CCDC30: variants seen among roughly 807,000 people sequenced by gnomAD.
CCDC30 encodes the protein coiled-coil domain-containing protein 30.
CCDC30 carries 70 observed loss-of-function variants against 100.2 expected under a neutral mutation model. The observed-to-expected ratio is 0.70, with a 90% confidence interval of 0.58 to 0.85. The LOEUF (loss-of-function observed/expected upper bound fraction) is 0.85, where lower values mean the gene tolerates loss of function less well. CCDC30 is among the 40% of genes least tolerant of loss of function. The pLI is 0.00. For missense variants in CCDC30, 652 were observed against 771.2 expected (o/e 0.85, Z 1.83); for synonymous variants, 233 against 269.5 (o/e 0.86, Z 1.33).
At chr1:42,493,233 A>G (rs766605676) in intron 4 of CCDC30, among the ~76,000 whole-genome samples, 2 of 152,100 alleles carry the variant, frequency 1.3e-5, no homozygotes, top group East Asian at 3.9e-4. Context: ...TAAGAACAGA[A>G]TAAGAAGAGA....
In CCDC30 at chr1:42,512,459, AC is replaced by A. The variant is rs369069336; in HGVS notation, c.456+13546del. Among the ~76,000 whole-genome samples, 343 of 151,844 alleles carry A rather than the reference AC, an allele frequency of 2.3e-3. 2 individuals are homozygous for A. Among genetic ancestry groups the A allele is most frequent in the African/African-American group, 8.0e-3 (330 of 41,400 alleles). ...ACCTCACTGTGGCGGGTGGGGGGAG[AC>A]CCTCTGATCCTAGAAAATCACAACA... On this transcript the variant is annotated intron_variant, in intron 6 of 16. Transcript: ENST00000668663.
chr1:42,505,189 A>C (rs1286954787), intron 6 of CCDC30, among the ~76,000 whole-genome samples: 1 of 151,250 alleles, frequency 6.6e-6, no homozygotes, highest in African/African-American at 2.4e-5. Flanking sequence ...AGGTCTATGA[A>C]GTTCCTTGGT....
At chr1:42,635,116 C>T (rs369047585) in intron 11 of CCDC30, among the ~76,000 whole-genome samples, 3 of 152,024 alleles carry the variant, frequency 2.0e-5, no homozygotes, top group East Asian at 3.9e-4. Flanking sequence ...AGTGCAGGGG[C>T]GCAATCTTGG....
intron 11 of CCDC30, among the ~76,000 whole-genome samples, chr1:42,625,411 A>G (rs1646914630): frequency 6.6e-6 from 1 of 151,574 alleles, no homozygotes; most frequent in South Asian, 2.1e-4. Flanking sequence ...TCTTCTACTA[A>G]TTTGGGATTT....
rs1181298704 is a variant in CCDC30, at chr1:42,520,634, C to CTTTTTTT, written c.456+21736_456+21742dup. On this transcript the variant is annotated intron_variant, in intron 6 of 16. Coordinates refer to ENST00000668663, the Ensembl canonical transcript of CCDC30. Reference sequence around the variant, plus strand: ...CATGAGCCACCACGCCCGGCCTCATCTTTTTTTTTTTTTTTTTTTTTTTTG... The same window carrying CTTTTTTT: ...CATGAGCCACCACGCCCGGCCTCATCTTTTTTTTTTTTTTTTTTTTTTTTTTTTTTTG... 2.6e-3 allele frequency among the ~76,000 whole-genome samples: 169 copies of CTTTTTTT among 64,788 alleles called. 14 individuals are homozygous for CTTTTTTT. Among genetic ancestry groups the CTTTTTTT allele is most frequent in the South Asian group, 4.4e-3 (6 of 1,372 alleles). 42.5% of individuals were successfully genotyped at this position (64,788 alleles called of 152,430 possible).
intron 6 of CCDC30, among the ~76,000 whole-genome samples, chr1:42,508,729 G>A (rs1644433050): frequency 1.3e-5 from 2 of 152,032 alleles, no homozygotes; most frequent in African/African-American, 4.8e-5. Flanking sequence ...TTCCCAAGAA[G>A]TCCCAGACTA....
rs941110940 is a variant in CCDC30, at chr1:42,504,359, G to T, written c.456+5443G>T. Among the ~76,000 whole-genome samples the T allele has an allele frequency of 5.9e-5, 9 of 152,200 alleles. No homozygotes were observed. In the East Asian group the frequency reaches 1.7e-3, roughly 29 times the overall value. On this transcript the variant is annotated intron_variant, in intron 6 of 16. Coordinates refer to ENST00000668663, the Ensembl canonical transcript of CCDC30. ...CAGTTTTGGGGCCAGATTTCAGGGG[G>T]CTTGTTCCCAACACCTGTTATCAAG...
At chr1:42,474,560 G>A (rs1305429353) in intron 1 of CCDC30, among the ~76,000 whole-genome samples, 1 of 152,098 alleles carries the variant, frequency 6.6e-6, no homozygotes, top group African/African-American at 2.4e-5. Context: ...ATATTTTAAG[G>A]AGTTTTCCTA....
intron 6 of CCDC30, among the ~76,000 whole-genome samples, chr1:42,548,336 A>G (rs1645184839): frequency 6.6e-6 from 1 of 152,222 alleles, no homozygotes; most frequent in South Asian, 2.1e-4. Context: ...GCAGTTTAGT[A>G]TAGGCAAGAG....
At chr1:42,625,179 C>T (rs1264323282) in intron 11 of CCDC30, among the ~76,000 whole-genome samples, 1 of 152,062 alleles carries the variant, frequency 6.6e-6, no homozygotes, top group East Asian at 1.9e-4. Flanking sequence ...TTTAGTTGCT[C>T]ATAATAGCCA....
chr1:42,523,091 A>C (rs1644672958), intron 6 of CCDC30, among the ~76,000 whole-genome samples: 1 of 152,170 alleles, frequency 6.6e-6, no homozygotes, highest in Admixed American at 6.5e-5. Context: ...CAGCCTCCCA[A>C]AGTGCTGGGA....
intron 6 of CCDC30, among the ~76,000 whole-genome samples, chr1:42,518,092 A>G (rs947802206): frequency 3.3e-5 from 5 of 152,186 alleles, no homozygotes; most frequent in African/African-American, 1.2e-4. Flanking sequence ...TAGTTTTCCA[A>G]TCATGAACAT....
chr1:42,559,379 G>A (rs955413953), intron 6 of CCDC30, among the ~76,000 whole-genome samples: 42 of 152,102 alleles, frequency 2.8e-4, no homozygotes, highest in African/African-American at 1.0e-3. Context: ...ACCCATTGGT[G>A]TGCTATGTTC....
intron 6 of CCDC30, among the ~76,000 whole-genome samples, chr1:42,535,391 G>A (rs1644875589): frequency 6.6e-6 from 1 of 151,682 alleles, no homozygotes; most frequent in African/African-American, 2.4e-5. Flanking sequence ...GAAAAGTGAG[G>A]TAACTAGCTC....
At chr1:42,518,540 T>C (rs1018438665) in intron 6 of CCDC30, among the ~76,000 whole-genome samples, 1 of 152,204 alleles carries the variant, frequency 6.6e-6, no homozygotes, top group Non-Finnish European at 1.5e-5. Flanking sequence ...TTTAATTGCC[T>C]ATAGTATTTA....
intron 10 of CCDC30, among the ~76,000 whole-genome samples, chr1:42,603,831 G>GT (rs1365900955): frequency 6.6e-6 from 1 of 152,180 alleles, no homozygotes; most frequent in Non-Finnish European, 1.5e-5. Flanking sequence ...GCATACAGAT[G>GT]TTTATAGCAT....
At chr1:42,589,140 G>A (rs951580985) in intron 9 of CCDC30, among the ~76,000 whole-genome samples, 181 bp from the exon 14 acceptor site, 1 of 151,814 alleles carries the variant, frequency 6.6e-6, no homozygotes, top group East Asian at 1.9e-4. Flanking sequence ...GTGAGTGAGA[G>A]AAGTAAGGAA....
intron 15 of CCDC30, among the ~76,000 whole-genome samples, chr1:42,650,532 T>TGC (rs1648260897): frequency 1.3e-5 from 2 of 151,534 alleles, no homozygotes; most frequent in Admixed American, 1.3e-4. Flanking sequence ...TGTGTGTGTG[T>TGC]GTGTGTGTAT....
At chr1:42,463,005 T>C (rs1643451032), upstream of CCDC30, among the ~76,000 whole-genome samples, 1 of 151,296 alleles carries the variant, frequency 6.6e-6, no homozygotes, top group African/African-American at 2.5e-5. Flanking sequence ...AGCTGAGTCC[T>C]GGCGGGAAGT....
Sources: gnomAD v4.1 joint callset for allele counts (sites outside exome capture counted in the v4.1 genomes callset) on GRCh38, gnomAD v4.1.1 for gene constraint, MANE v1.5 for transcripts, NCBI Gene and HGNC (gene_info 2026-07-23, HGNC 2026-07-21) for gene names.